Variants in KCND2 observed in about 807,000 individuals in gnomAD.
The protein encoded by KCND2 is potassium voltage-gated channel subfamily D member 2, also known as A-type voltage-gated potassium channel KCND2.
Under a neutral mutation model 54.4 loss-of-function variants are expected in KCND2, and 16 were observed. The ratio of observed to expected loss-of-function variants is 0.29; its 90% CI spans 0.20 to 0.45. KCND2 has a LOEUF of 0.45. Ranked by LOEUF, KCND2 falls within the 20% of genes least tolerant of loss-of-function variation. The pLI, the probability that KCND2 is intolerant of heterozygous loss-of-function variation, is 1.00. For synonymous variants in KCND2, 317 were observed against 310.7 expected, an observed-to-expected ratio of 1.02 and a Z score of -0.21; for missense variants, 486 against 824.2, an observed-to-expected ratio of 0.59 and a Z score of 5.02.
At chr7:120,595,846 A>T (rs1273886309) in intron 1 of KCND2, among the ~76,000 whole-genome samples, 10 of 151,886 alleles carry the variant, frequency 6.6e-5, no homozygotes, top group African/African-American at 2.2e-4. Flanking sequence ...CACATAAAAG[A>T]CACTCAAATA....
intron 1 of KCND2, among the ~76,000 whole-genome samples, chr7:120,357,405 C>T (rs1213995265): frequency 2.6e-5 from 4 of 152,044 alleles, no homozygotes; most frequent in Non-Finnish European, 4.4e-5. Flanking sequence ...GATTTTTACC[C>T]TCCTATCCCA....
At chr7:120,449,221 C>A (rs1280900443) in intron 1 of KCND2, among the ~76,000 whole-genome samples, 1 of 151,006 alleles carries the variant, frequency 6.6e-6, no homozygotes, top group Non-Finnish European at 1.5e-5. Context: ...CCTAGCTACT[C>A]GGGAGGCTGA....
intron 1 of KCND2, among the ~76,000 whole-genome samples, chr7:120,406,820 G>A (rs568599358): frequency 1.3e-5 from 2 of 152,028 alleles, no homozygotes; most frequent in Admixed American, 6.6e-5. Flanking sequence ...ATAAGAATGA[G>A]CATGGCTATA....
chr7:120,695,555 G>A (rs1454515527), intron 1 of KCND2, among the ~76,000 whole-genome samples: 1 of 152,130 alleles, frequency 6.6e-6, no homozygotes, highest in Non-Finnish European at 1.5e-5. Context: ...TTAAATTAGT[G>A]TGTTTTTAGT....
chr7:120,711,818 G>C (rs189762334), intron 1 of KCND2, among the ~76,000 whole-genome samples: 4 of 151,932 alleles, frequency 2.6e-5, no homozygotes, highest in Admixed American at 2.6e-4. Flanking sequence ...TTAATGTAAG[G>C]GTTCACCAAA....
At chr7:120,739,868 G>A (rs1792919448) in intron 2 of KCND2, among the ~76,000 whole-genome samples, 3 of 151,542 alleles carry the variant, frequency 2.0e-5, no homozygotes, top group African/African-American at 7.3e-5. Flanking sequence ...TTTGCTTTCA[G>A]AAATATGTCT....
At chr7:120,311,802 T>C (rs1799739417) in intron 1 of KCND2, among the ~76,000 whole-genome samples, 1 of 152,214 alleles carries the variant, frequency 6.6e-6, no homozygotes, top group Admixed American at 6.5e-5. Context: ...CTTCCACTTA[T>C]AAGTGAGAAC....
intron 1 of KCND2, among the ~76,000 whole-genome samples, chr7:120,499,109 A>G (rs1446385748): frequency 6.6e-6 from 1 of 152,168 alleles, no homozygotes; most frequent in Non-Finnish European, 1.5e-5. Flanking sequence ...TATAAATTAT[A>G]TTCTAATTGC....
intron 1 of KCND2, among the ~76,000 whole-genome samples, chr7:120,531,917 T>C (rs1791847705): frequency 6.6e-6 from 1 of 152,128 alleles, no homozygotes; most frequent in Non-Finnish European, 1.5e-5. Context: ...ACATTTTTTC[T>C]CTAGGTGATT....
At chr7:120,595,239 G>T (rs1424365835) in intron 1 of KCND2, among the ~76,000 whole-genome samples, 1 of 151,314 alleles carries the variant, frequency 6.6e-6, no homozygotes, top group Non-Finnish European at 1.5e-5. Context: ...ATCACTTGAG[G>T]TCAGGAGTTC....
At chr7:120,740,075 C>T (rs566862604) in intron 2 of KCND2, among the ~76,000 whole-genome samples, 2 of 152,080 alleles carry the variant, frequency 1.3e-5, no homozygotes, top group African/African-American at 4.8e-5. Context: ...AATTAAAAAA[C>T]ACAACTAAAT....
At chr7:120,486,701 T>C (rs1802699223) in intron 1 of KCND2, among the ~76,000 whole-genome samples, 1 of 151,776 alleles carries the variant, frequency 6.6e-6, no homozygotes, top group Non-Finnish European at 1.5e-5. Context: ...TTTTTTTTTT[T>C]CCTAGTTTGA....
chr7:120,305,635 G>A lies in KCND2; in HGVS notation c.1115+29888G>A, dbSNP rs113304877. 1.9e-3 allele frequency among the ~76,000 whole-genome samples: 285 copies of A among 152,182 alleles called. 1 individual carries two copies. Among genetic ancestry groups the A allele is most frequent in the African/African-American group, 6.4e-3 (264 of 41,534 alleles). ...CAAAATCCTCAGTGGCTTTGCAAGG[G>A]TCTACAGATTCCTTTCTTTTCCCAA... On this transcript the variant is annotated intron_variant, in intron 1 of 5. Transcript: ENST00000331113.
intron 1 of KCND2, among the ~76,000 whole-genome samples, chr7:120,460,844 T>C (rs959298813): frequency 1.3e-5 from 2 of 152,158 alleles, no homozygotes; most frequent in Admixed American, 6.5e-5. Flanking sequence ...CTAAGAGGCT[T>C]GGCACACTTC....
rs1205572330 is a variant in KCND2 at position 120,274,579 on chromosome 7, C to G, written c.-54C>G. The G allele has an allele frequency of 3.7e-6, 6 of 1,610,570 alleles. No homozygotes were observed. The highest frequency in any genetic ancestry group is 5.1e-6 in the Non-Finnish European group (6 of 1,177,138). Reference sequence around the variant, plus strand: ...GGAAGTGGGTGACTTTTGGCTGCTTCGGTGACCCATTGTAGACGCCTCGTT... The same window carrying G: ...GGAAGTGGGTGACTTTTGGCTGCTTGGGTGACCCATTGTAGACGCCTCGTT... On this transcript the variant is annotated 5_prime_UTR_variant, in exon 1 of 6. Transcript: ENST00000331113.
intron 1 of KCND2, among the ~76,000 whole-genome samples, chr7:120,639,387 G>A (rs1478982785): frequency 1.3e-5 from 2 of 152,070 alleles, no homozygotes; most frequent in African/African-American, 2.4e-5. Flanking sequence ...GTCTTTTATA[G>A]TGAATAAAAT....
chr7:120,344,074 A>G (rs1419040172), intron 1 of KCND2, among the ~76,000 whole-genome samples: 2 of 152,192 alleles, frequency 1.3e-5, no homozygotes, highest in African/African-American at 2.4e-5. Context: ...TATGAGGTTC[A>G]AAATTGTTAA....
intron 1 of KCND2, among the ~76,000 whole-genome samples, chr7:120,418,065 A>G (rs1403947553): frequency 1.3e-5 from 2 of 152,212 alleles, no homozygotes; most frequent in East Asian, 3.8e-4. Context: ...TTAAGACAGA[A>G]CAACTTCAGA....
At chr7:120,385,260 T>C (rs1334217945) in intron 1 of KCND2, among the ~76,000 whole-genome samples, 1 of 151,974 alleles carries the variant, frequency 6.6e-6, no homozygotes, top group Non-Finnish European at 1.5e-5. Flanking sequence ...CTCAAAGTGC[T>C]GGGATTACAG....
Sources: allele counts gnomAD v4.1 joint callset (sites outside exome capture counted in the v4.1 genomes callset), GRCh38; gene constraint gnomAD v4.1.1; transcripts MANE v1.5; gene names NCBI Gene and HGNC (gene_info 2026-07-23, HGNC 2026-07-21).